Variants in LATS2 observed in about 807,000 individuals in gnomAD.
The protein encoded by LATS2 is large tumor suppressor kinase 2, also known as serine/threonine-protein kinase LATS2.
LATS2 carries 24 observed loss-of-function variants against 76.0 expected under a neutral mutation model. That is an observed-to-expected ratio of 0.32 (90% CI 0.23 to 0.44). LATS2 has a LOEUF of 0.44. Among genes scored for constraint, LATS2 ranks in the 20% least tolerant of loss-of-function variants. The pLI is 1.00. For synonymous variants in LATS2, 692 were observed against 635.4 expected (o/e 1.09, Z -1.34); for missense variants, 1,286 against 1,481.2 (o/e 0.87, Z 2.16).
chr13:20,980,172 A>T (rs1869807296), intron 6 of LATS2, among the ~76,000 whole-genome samples: 1 of 152,244 alleles, frequency 6.6e-6, no homozygotes, highest in Non-Finnish European at 1.5e-5. Context: ...GTGAATAGTC[A>T]GGTGAGGGTC....
intron 2 of LATS2, among the ~76,000 whole-genome samples, chr13:21,028,648 G>A (rs559818979): frequency 2.0e-5 from 3 of 152,216 alleles, no homozygotes; most frequent in Admixed American, 6.5e-5. Flanking sequence ...TTGACTCACC[G>A]CAACCTCCGC....
intron 4 of LATS2, among the ~76,000 whole-genome samples, chr13:20,986,484 T>C (rs1198546520): frequency 1.3e-5 from 2 of 152,220 alleles, no homozygotes; most frequent in Non-Finnish European, 2.9e-5. Context: ...TGAATGGAAC[T>C]GGAGGTCATT....
chr13:21,038,840 G>T (rs926227478), intron 2 of LATS2, among the ~76,000 whole-genome samples: 1 of 152,150 alleles, frequency 6.6e-6, no homozygotes, highest in Non-Finnish European at 1.5e-5. Flanking sequence ...TTAGCCGGGC[G>T]TGGTGGTGCA....
intron 1 of LATS2, among the ~76,000 whole-genome samples, chr13:21,052,832 T>C (rs1190125690): frequency 6.6e-6 from 1 of 152,224 alleles, no homozygotes; most frequent in African/African-American, 2.4e-5. Context: ...CTCAAGATGC[T>C]GACTGCGGCT....
At chr13:21,041,549 C>T (rs768370299) in intron 2 of LATS2, among the ~76,000 whole-genome samples, 12 of 152,076 alleles carry the variant, frequency 7.9e-5, no homozygotes, top group Admixed American at 1.3e-4. Flanking sequence ...ACACAATATT[C>T]AGGACCAGGA....
chr13:21,001,319 C>A (rs9506593), intron 2 of LATS2, among the ~76,000 whole-genome samples: 80,919 of 152,086 alleles, frequency 0.53, 25,471 homozygotes, highest in Non-Finnish European at 0.7. Context: ...TATTTCTATT[C>A]ATGTGTAACA....
rs1869415019 is a variant in LATS2, at chr13:20,973,164, TGTGA to T, written c.*1702_*1705del. On this transcript the variant is annotated 3_prime_UTR_variant, in exon 8 of 8. Transcript: ENST00000382592. ...ACCACATGAAAGTATGTCAGAGCGC[TGTGA>T]GTAACAACATGGCACGACTATAAAA... 4 of 232,704 alleles carry T rather than the reference TGTGA, an allele frequency of 1.7e-5. No individual in the cohort carries two copies. In the South Asian group the frequency reaches 7.2e-4, roughly 42 times the overall value. The allele number at this position is 232,704 out of a possible 1,614,324, so 14.4% of individuals were successfully genotyped here.
intron 2 of LATS2, among the ~76,000 whole-genome samples, chr13:21,006,180 T>C (rs1262858660): frequency 6.6e-6 from 1 of 151,434 alleles, no homozygotes; most frequent in Non-Finnish European, 1.5e-5. Context: ...AAGGATTCAC[T>C]TTCTGCCTCA....
chr13:20,988,625 G>C lies in LATS2; in HGVS notation c.1155C>G (p.Gly385=), dbSNP rs1023868561. The C allele has an allele frequency of 6.3e-7, 1 of 1,588,086 alleles. No individual in the cohort carries two copies. Residue 385 remains glycine (G), a synonymous_variant, in exon 4 of 8, where the codon GGC becomes GGG. Coordinates refer to ENST00000382592, the MANE Select transcript of LATS2 (RefSeq NM_014572.3). Reference sequence around the variant, plus strand: ...CGTGCGCGCGCGGCGGCGCCTCCAGGCCCGGCTTCTGCAGGGAGTCCCGGC... The same window carrying C: ...CGTGCGCGCGCGGCGGCGCCTCCAGCCCCGGCTTCTGCAGGGAGTCCCGGC... The part of the protein sequence containing the change: ...LARRDSLQKP[G]LEAPPRAHVA...
At chr13:21,035,707 C>T (rs1395254720) in intron 2 of LATS2, among the ~76,000 whole-genome samples, 1 of 152,162 alleles carries the variant, frequency 6.6e-6, no homozygotes, top group Non-Finnish European at 1.5e-5. Context: ...ATAAAAAATG[C>T]TAATATCTGT....
chr13:20,985,250 C>A (rs1371310191), intron 4 of LATS2, among the ~76,000 whole-genome samples: 4 of 152,064 alleles, frequency 2.6e-5, no homozygotes, highest in Non-Finnish European at 4.4e-5. Flanking sequence ...GGCAAAAAAA[C>A]CCCAAAGTAG....
intron 3 of LATS2, among the ~76,000 whole-genome samples, chr13:20,989,688 TG>T (rs200079087): frequency 3.9e-5 from 6 of 152,268 alleles, no homozygotes; most frequent in Admixed American, 2.0e-4. Flanking sequence ...GCCCAAATTG[TG>T]GGGGGCTGAG....
Position 20,988,465 on chromosome 13 carries a change from G to A in LATS2, c.1315C>T (p.His439Tyr). 1 of 1,534,414 alleles carries A rather than the reference G, an allele frequency of 6.5e-7. No homozygotes were observed. Among genetic ancestry groups the A allele is most frequent in the Non-Finnish European group, 8.7e-7 (1 of 1,147,088 alleles). Residue 439 changes from histidine to tyrosine, a missense_variant, in exon 4 of 8, where the codon CAC becomes TAC. Physicochemically the swap from His to Tyr is moderately conservative, Grantham distance 83. Coordinates refer to ENST00000382592, the MANE Select transcript of LATS2 (RefSeq NM_014572.3). ...ACGCTCTTCACCGGGTGCAAGATGT[G>A]CGCGGCCGTGACAGCCGTCACGGTG... is the stretch of plus-strand genomic sequence containing the variant. ...PNTVTAVTAA[H>Y]ILHPVKSVRV...
chr13:21,030,382 G>C (rs1056078357), intron 2 of LATS2, among the ~76,000 whole-genome samples: 1 of 151,944 alleles, frequency 6.6e-6, no homozygotes, highest in Non-Finnish European at 1.5e-5. Flanking sequence ...GAGGTCAGGA[G>C]ATCGAGACCA....
intron 2 of LATS2, among the ~76,000 whole-genome samples, chr13:21,013,442 A>G (rs531854592): frequency 8.5e-5 from 13 of 152,318 alleles, no homozygotes; most frequent in South Asian, 2.1e-4. Flanking sequence ...AGTCTGTGGA[A>G]AAAGTCCAAT....
At chr13:20,982,321 TTTTA>T (rs1212719662) in intron 5 of LATS2, among the ~76,000 whole-genome samples, 4 of 152,324 alleles carry the variant, frequency 2.6e-5, no homozygotes, top group Non-Finnish European at 5.9e-5. Context: ...ATTTATTTTA[TTTTA>T]TTTGAGACAG....
At chr13:20,986,832 T>C (rs1032830694) in intron 4 of LATS2, among the ~76,000 whole-genome samples, 6 of 152,224 alleles carry the variant, frequency 3.9e-5, no homozygotes, top group Non-Finnish European at 5.9e-5. Flanking sequence ...GACTTGATCA[T>C]TACATATCCT....
chr13:21,013,336 A>G (rs777523098), intron 2 of LATS2, among the ~76,000 whole-genome samples: 4 of 152,240 alleles, frequency 2.6e-5, no homozygotes, highest in Non-Finnish European at 5.9e-5. Flanking sequence ...TCGATGCCTA[A>G]TAATAATCTC....
intron 2 of LATS2, among the ~76,000 whole-genome samples, chr13:21,030,315 C>T (rs1437523099): frequency 6.6e-6 from 1 of 151,716 alleles, no homozygotes; most frequent in East Asian, 1.9e-4. Flanking sequence ...GCTGGCCGGG[C>T]GTGGTGGCTC....
Sources: allele counts gnomAD v4.1 joint callset (sites outside exome capture counted in the v4.1 genomes callset), GRCh38; gene constraint gnomAD v4.1.1; transcripts MANE v1.5; gene names NCBI Gene and HGNC (gene_info 2026-07-23, HGNC 2026-07-21).